REDIC1: variants seen among roughly 807,000 people sequenced by gnomAD.
REDIC1 encodes the protein regulator of DNA class I crossover intermediates 1.
chr12:39,788,829 C>A, the REDIC1 span, among the ~76,000 whole-genome samples: 1 of 152,262 alleles, frequency 6.6e-6, no homozygotes. Context: ...GCCCTGCAAT[C>A]TAAATTTCCA....
chr12:39,682,935 T>C, the REDIC1 span: 3 of 1,613,398 alleles, frequency 1.9e-6, no homozygotes, highest in Non-Finnish European at 2.5e-6. Context: ...CTAGTTCTGA[T>C]AAAAACCATG....
the REDIC1 span, among the ~76,000 whole-genome samples, chr12:39,890,679 G>A: frequency 9.2e-5 from 14 of 151,894 alleles, no homozygotes; most frequent in African/African-American, 2.4e-4. Context: ...GAAACATCAC[G>A]TTGTACTCCA....
the REDIC1 span, among the ~76,000 whole-genome samples, chr12:39,842,655 T>C: frequency 6.6e-6 from 1 of 152,076 alleles, no homozygotes; most frequent in South Asian, 2.1e-4. Context: ...ATTTACCATT[T>C]TAACAATGTT....
At chr12:39,896,108 A>C in the REDIC1 span, among the ~76,000 whole-genome samples, 1 of 146,032 alleles carries the variant, frequency 6.8e-6, no homozygotes, top group South Asian at 2.1e-4. Context: ...GTGTATACAT[A>C]TATGAATGCA....
the REDIC1 span, chr12:39,682,595 T>G: frequency 6.6e-7 from 1 of 1,508,124 alleles, no homozygotes; most frequent in Non-Finnish European, 8.9e-7. Context: ...TAAATATGTT[T>G]TTGTTTATCC....
At chr12:39,779,311 C>T in the REDIC1 span, among the ~76,000 whole-genome samples, 1 of 152,204 alleles carries the variant, frequency 6.6e-6, no homozygotes, top group South Asian at 2.1e-4. Flanking sequence ...ACACTGCCAT[C>T]TGATTGCAGC....
At chr12:39,781,810 C>T in the REDIC1 span, among the ~76,000 whole-genome samples, 1 of 152,168 alleles carries the variant, frequency 6.6e-6, no homozygotes, top group Non-Finnish European at 1.5e-5. Context: ...TAGCAATGGA[C>T]AAAAGTTAGT....
At chr12:39,848,527 A>G in the REDIC1 span, among the ~76,000 whole-genome samples, 3 of 152,304 alleles carry the variant, frequency 2.0e-5, no homozygotes, top group Non-Finnish European at 2.9e-5. Context: ...AAAATAACAG[A>G]TGCTGGTGAG....
chr12:39,785,512 C>T, the REDIC1 span, among the ~76,000 whole-genome samples: 31 of 152,228 alleles, frequency 2.0e-4, no homozygotes, highest in Admixed American at 7.2e-4. Context: ...TCTGCTAGGG[C>T]ACTGCTGAAG....
the REDIC1 span, among the ~76,000 whole-genome samples, chr12:39,633,178 A>G: frequency 1.3e-5 from 2 of 152,116 alleles, no homozygotes; most frequent in African/African-American, 2.4e-5. Flanking sequence ...TCATAATAAC[A>G]CTTTGCTTAA....
the REDIC1 span, among the ~76,000 whole-genome samples, chr12:39,881,421 C>T: frequency 3.6e-4 from 55 of 152,118 alleles, no homozygotes; most frequent in Non-Finnish European, 6.8e-4. Context: ...GCATCATTTC[C>T]TCACGACTGT....
chr12:39,903,148 A>G, the REDIC1 span, among the ~76,000 whole-genome samples: 1 of 152,312 alleles, frequency 6.6e-6, no homozygotes, highest in South Asian at 2.1e-4. Context: ...TCTGATAGGC[A>G]TAGGCCTAAT....
the REDIC1 span, among the ~76,000 whole-genome samples, chr12:39,823,603 G>A: frequency 1.4e-5 from 2 of 148,020 alleles, no homozygotes; most frequent in South Asian, 4.3e-4. Context: ...ATAATCTTTA[G>A]CCAGGATGAT....
chr12:39,903,945 C>T, the REDIC1 span, among the ~76,000 whole-genome samples: 1 of 152,056 alleles, frequency 6.6e-6, no homozygotes, highest in African/African-American at 2.4e-5. Context: ...TAAAGAACAA[C>T]AGACAGGATA....
At chr12:39,713,140 TGTAG>T in the REDIC1 span, among the ~76,000 whole-genome samples, 12 of 150,048 alleles carry the variant, frequency 8.0e-5, no homozygotes, top group African/African-American at 2.2e-4. Flanking sequence ...TACGTATATA[TGTAG>T]ATATGTGCAT....
the REDIC1 span, among the ~76,000 whole-genome samples, chr12:39,776,936 G>GT: frequency 2.6e-5 from 4 of 151,972 alleles, no homozygotes; most frequent in African/African-American, 7.3e-5. Context: ...ATTCCTATGG[G>GT]TTTTTTCTTT....
chr12:39,662,369 C>A, the REDIC1 span, among the ~76,000 whole-genome samples: 1 of 151,756 alleles, frequency 6.6e-6, no homozygotes, highest in African/African-American at 2.4e-5. Flanking sequence ...AAATTTATTC[C>A]TAGATATTTT....
the REDIC1 span, among the ~76,000 whole-genome samples, chr12:39,713,933 G>T: frequency 1.4e-5 from 2 of 147,498 alleles, no homozygotes; most frequent in Admixed American, 6.8e-5. Context: ...ATTAAATTAT[G>T]TGCATATACC....
chr12:39,896,643 A>C, the REDIC1 span, among the ~76,000 whole-genome samples: 2 of 151,800 alleles, frequency 1.3e-5, no homozygotes, highest in East Asian at 3.9e-4. Context: ...AACTTCTGGA[A>C]GAAAACAACA....
Sources: allele counts gnomAD v4.1 joint callset (sites outside exome capture counted in the v4.1 genomes callset), GRCh38; gene constraint gnomAD v4.1.1; transcripts MANE v1.5; gene names NCBI Gene and HGNC (gene_info 2026-07-23, HGNC 2026-07-21).